Variants in PCDHGB5 observed in about 807,000 individuals in gnomAD.
The protein encoded by PCDHGB5 is protocadherin gamma subfamily B, 5, also known as protocadherin gamma-B5.
In PCDHGB5, 48 loss-of-function variants were observed where a neutral mutation model predicts 62.9. The observed-to-expected ratio is 0.76, with a 90% CI of 0.61 to 0.97. PCDHGB5 has a LOEUF of 0.97. PCDHGB5 is among the 50% of genes least tolerant of loss of function. The pLI, the probability that PCDHGB5 is intolerant of heterozygous loss-of-function variation, is 0.00. For missense variants in PCDHGB5, 1,118 were observed against 1,198.6 expected, an observed-to-expected ratio of 0.93 and a Z score of 0.99; for synonymous variants, 474 against 511.2, an observed-to-expected ratio of 0.93 and a Z score of 0.98.
Position 141,423,257 on chromosome 5 carries a change from G to T in PCDHGB5, c.2397+22733G>T, listed in dbSNP as rs1412429501. ...ATCCCCGAAGTCCTGGCGGACCTCG[G>T]CAGCCTCGAGTCTCTGGCTAACTCT... On this transcript the variant is annotated intron_variant, in intron 1 of 3. Transcript: ENST00000617380. The T allele has an allele frequency of 8.7e-6, 14 of 1,613,946 alleles. No individual in the cohort carries two copies. The highest frequency in any genetic ancestry group is 1.3e-5 in the African/African-American group (1 of 75,060).
At chr5:141,414,048 G>A in intron 1 of PCDHGB5, 1 of 1,610,508 alleles carries the variant, frequency 6.2e-7, no homozygotes, top group Non-Finnish European at 8.5e-7. Flanking sequence ...TACCTGACAC[G>A]CAATTGTTGA....
intron 1 of PCDHGB5, among the ~76,000 whole-genome samples, chr5:141,438,921 C>T (rs1204218608): frequency 6.6e-6 from 1 of 151,970 alleles, no homozygotes; most frequent in Non-Finnish European, 1.5e-5. Context: ...CTGCCTTGGC[C>T]TCCCAAAGTG....
At position 141,487,550 on chromosome 5, in the gene PCDHGB5, G is replaced by A. The variant is rs762537798; in HGVS notation, c.2398-7257G>A. 1 of 1,614,160 alleles carries A rather than the reference G, an allele frequency of 6.2e-7. No individual in the cohort carries two copies. The highest frequency in any genetic ancestry group is 1.1e-5 in the South Asian group (1 of 91,082). ...CTTCATGATGGTGAAGTCACCCAGT[G>A]CACCTATGGCAGGGGAGCCTGTTCG... On this transcript the variant is annotated intron_variant, in intron 1 of 3. Transcript: ENST00000617380. The surrounding 1 kb of genome is among the most constrained non-coding windows in gnomAD (Gnocchi z 5.0).
At chr5:141,415,560 GT>G in intron 1 of PCDHGB5, 1 of 1,613,936 alleles carries the variant, frequency 6.2e-7, no homozygotes, top group Non-Finnish European at 8.5e-7. Flanking sequence ...ACGATCCTTT[GT>G]CTTTGTTAGA....
Position 141,486,672 on chromosome 5 carries a change from G to A in PCDHGB5, c.2398-8135G>A. The A allele has an allele frequency of 5.0e-6, 8 of 1,614,000 alleles. No homozygotes were observed. Among genetic ancestry groups the A allele is most frequent in the Non-Finnish European group, 5.9e-6 (7 of 1,180,028 alleles). On this transcript the variant is annotated intron_variant, in intron 1 of 3. Coordinates refer to ENST00000617380, the MANE Select transcript of PCDHGB5 (RefSeq NM_018925.3). This position sits in a 1 kb window ranked among gnomAD's most constrained non-coding sequence, Gnocchi z 5.0. Reference sequence around the variant, plus strand: ...TACTCACTCCTGGAGCCCAGGAATCGAGATGTATCAGCTTCCTCTTTCATC... The same window carrying A: ...TACTCACTCCTGGAGCCCAGGAATCAAGATGTATCAGCTTCCTCTTTCATC...
At chr5:141,424,715 G>A (rs1299933373) in intron 1 of PCDHGB5, 1 of 152,132 alleles carries the variant, frequency 6.6e-6, no homozygotes, top group Admixed American at 6.6e-5. Flanking sequence ...TTTCAGTGTA[G>A]TTGGGAGTCA....
At chr5:141,494,976 G>A in intron 2 of PCDHGB5, 111 bp downstream of exon 2, 1 of 1,575,636 alleles carries the variant, frequency 6.3e-7, no homozygotes. Flanking sequence ...TTCTCCCTCA[G>A]TTTGAGATCC....
intron 1 of PCDHGB5, chr5:141,478,323 G>T (rs1234175290): frequency 1.2e-6 from 2 of 1,613,958 alleles, no homozygotes; most frequent in African/African-American, 2.7e-5. Context: ...TCACTGTACC[G>T]AACACCAGGG....
At chr5:141,442,089 C>A in intron 1 of PCDHGB5, 1 of 170,684 alleles carries the variant, frequency 5.9e-6, no homozygotes, top group South Asian at 1.1e-4. Context: ...CTCGCTACCG[C>A]CACGTCACCA....
intron 3 of PCDHGB5, among the ~76,000 whole-genome samples, chr5:141,509,808 G>A (rs905531504): frequency 3.9e-5 from 6 of 152,028 alleles, no homozygotes; most frequent in Non-Finnish European, 7.4e-5. Context: ...TCATAGAGCC[G>A]AGCTCTTCTC....
intron 1 of PCDHGB5, among the ~76,000 whole-genome samples, chr5:141,430,243 T>C (rs1020416761): frequency 5.6e-5 from 6 of 106,478 alleles, no homozygotes; most frequent in African/African-American, 3.0e-4. Flanking sequence ...GAGAAACTCC[T>C]AGGGAGACAT....
intron 1 of PCDHGB5, chr5:141,419,960 G>A (rs773071584): frequency 5.0e-6 from 8 of 1,613,960 alleles, no homozygotes; most frequent in South Asian, 4.4e-5. Context: ...CTTGATTTCT[G>A]TGCTCTTTCT....
At position 141,487,796 on chromosome 5, in the gene PCDHGB5, T is replaced by C. The variant is rs766798983; in HGVS notation, c.2398-7011T>C. ...TAACTGTTTCGTGAATTAACCAGAG[T>C]TGTCACAGTTTAGCATTGGGGGCGG... On this transcript the variant is annotated intron_variant, in intron 1 of 3. Coordinates refer to ENST00000617380, the MANE Select transcript of PCDHGB5 (RefSeq NM_018925.3). The surrounding 1 kb of genome is among the most constrained non-coding windows in gnomAD (Gnocchi z 5.0). 15 of 1,498,660 alleles carry C rather than the reference T, an allele frequency of 1.0e-5. No homozygotes were observed. The highest frequency in any genetic ancestry group is 1.4e-5 in the Non-Finnish European group (15 of 1,110,900). 92.8% of individuals were successfully genotyped at this position (1,498,660 alleles called of 1,614,324 possible). A position where few individuals can be genotyped will look rare whatever the true frequency, so the allele number is the denominator to read the frequency against.
chr5:141,406,796 T>C (rs1010773625), intron 1 of PCDHGB5, among the ~76,000 whole-genome samples: 7 of 152,362 alleles, frequency 4.6e-5, no homozygotes, highest in Admixed American at 1.3e-4. Flanking sequence ...TATTTCTGGC[T>C]CAATTCTCCA....
rs2099718995 is a variant in PCDHGB5 at position 141,491,523 on chromosome 5, G to A, written c.2398-3284G>A. On this transcript the variant is annotated intron_variant, in intron 1 of 3. Transcript: ENST00000617380. This position sits in a 1 kb window ranked among gnomAD's most constrained non-coding sequence, Gnocchi z 6.9. ...CGGACGGCACGCTCAAGTACATGGAGGTGACGCTGCGGCCCACAGACTCGC... is the reference window on the plus strand; with the variant it reads ...CGGACGGCACGCTCAAGTACATGGAAGTGACGCTGCGGCCCACAGACTCGC... The A allele has an allele frequency of 3.1e-6, 5 of 1,613,954 alleles. No individual in the cohort carries two copies. The highest frequency in any genetic ancestry group is 3.4e-6 in the Non-Finnish European group (4 of 1,180,032).
chr5:141,478,434 T>C (rs747890986), intron 1 of PCDHGB5: 2 of 1,613,700 alleles, frequency 1.2e-6, no homozygotes, highest in East Asian at 2.2e-5. Flanking sequence ...GACCCGCTGC[T>C]GAAGAAACCT....
At chr5:141,415,454 A>G (rs899212436) in intron 1 of PCDHGB5, 2 of 1,614,162 alleles carry the variant, frequency 1.2e-6, no homozygotes, top group Non-Finnish European at 8.5e-7. Flanking sequence ...TATTCCCACG[A>G]GGTCTCTCTC....
At position 141,410,774 on chromosome 5, in the gene PCDHGB5, C is replaced by T; in HGVS notation, c.2397+10250C>T. 4 of 955,126 alleles carry T rather than the reference C, an allele frequency of 4.2e-6. No individual in the cohort carries two copies. The South Asian group carries it at 6.1e-5, about 15-fold the overall frequency. The allele number at this position is 955,126 out of a possible 1,614,324, so 59.2% of individuals were successfully genotyped here. ...AATGTTTTTTCAATTATAGTTTTCA[C>T]TATGTATTTGGTTCATAAGTTGCTC... On this transcript the variant is annotated intron_variant, in intron 1 of 3. Coordinates refer to ENST00000617380, the MANE Select transcript of PCDHGB5 (RefSeq NM_018925.3).
chr5:141,475,739 T>C (rs190533989), intron 1 of PCDHGB5, among the ~76,000 whole-genome samples: 593 of 152,384 alleles, frequency 3.9e-3, no homozygotes, highest in Non-Finnish European at 6.7e-3. Flanking sequence ...TTCCCTAAGG[T>C]AGGTTTCCTA....
Sources: allele counts gnomAD v4.1 joint callset (sites outside exome capture counted in the v4.1 genomes callset), GRCh38; gene constraint gnomAD v4.1.1; non-coding constraint Gnocchi (gnomAD v3.1); transcripts MANE v1.5; gene names NCBI Gene and HGNC (gene_info 2026-07-23, HGNC 2026-07-21).